CCDC60: variants seen among roughly 807,000 people sequenced by gnomAD.
CCDC60 encodes coiled-coil domain-containing protein 60.
In CCDC60, 54 loss-of-function variants were observed where a neutral mutation model predicts 63.5. The ratio of observed to expected loss-of-function variants is 0.85; its 90% confidence interval spans 0.68 to 1.07. The LOEUF (loss-of-function observed/expected upper bound fraction) is 1.07, where lower values mean the gene tolerates loss of function less well. Ranked by LOEUF, CCDC60 falls within the 50% of genes least tolerant of loss-of-function variation. The pLI is 0.00. For synonymous variants in CCDC60, 206 were observed against 238.8 expected (o/e 0.86, Z 1.27); for missense variants, 651 against 684.3 (o/e 0.95, Z 0.54).
chr12:119,459,092 TA>T (rs1412778861), intron 2 of CCDC60, among the ~76,000 whole-genome samples: 4 of 152,210 alleles, frequency 2.6e-5, no homozygotes, highest in South Asian at 2.1e-4. Context: ...AACTGATTGC[TA>T]GCATGTGGCA....
intron 7 of CCDC60, among the ~76,000 whole-genome samples, chr12:119,515,531 G>A (rs1952332025): frequency 6.6e-6 from 1 of 152,048 alleles, no homozygotes; most frequent in South Asian, 2.1e-4. Context: ...GTTTCTCCAT[G>A]TTGCCCAGGC....
At chr12:119,507,461 CACAT>C (rs1287055470) in intron 7 of CCDC60, among the ~76,000 whole-genome samples, 1 of 144,980 alleles carries the variant, frequency 6.9e-6, no homozygotes, top group African/African-American at 2.5e-5. Flanking sequence ...TACATATATA[CACAT>C]ACATATATAT....
At chr12:119,458,093 G>A (rs1950781657) in intron 2 of CCDC60, among the ~76,000 whole-genome samples, 1 of 152,230 alleles carries the variant, frequency 6.6e-6, no homozygotes, top group South Asian at 2.1e-4. Flanking sequence ...CAATATGTCT[G>A]GGTGGGCTGA....
chr12:119,432,058 G>A (rs1394956321), intron 2 of CCDC60, among the ~76,000 whole-genome samples: 1 of 152,218 alleles, frequency 6.6e-6, no homozygotes, highest in Non-Finnish European at 1.5e-5. Flanking sequence ...CAGCTTGGAG[G>A]TTAGAAGCAA....
Position 119,429,257 on chromosome 12 carries a change from G to C in CCDC60, c.170+495G>C, listed in dbSNP as rs11064796. Among the ~76,000 whole-genome samples the C allele has an allele frequency of 9.1e-3, 1,387 of 152,210 alleles. 41 individuals carry two copies. The East Asian group carries it at 0.093, about 10-fold the overall frequency. On this transcript the variant is annotated intron_variant, in intron 2 of 13. Coordinates refer to ENST00000327554, the MANE Select transcript of CCDC60 (RefSeq NM_178499.5). ...AAGCAGATAAAGTGTCCCTCATATG[G>C]CCTTGAATACAGGGCTGTTCCTATC...
At chr12:119,392,815 A>G (rs760748156) in intron 1 of CCDC60, among the ~76,000 whole-genome samples, 1 of 152,184 alleles carries the variant, frequency 6.6e-6, no homozygotes, top group Non-Finnish European at 1.5e-5. Flanking sequence ...AACCAGGTTG[A>G]ACATCCTGAC....
intron 1 of CCDC60, among the ~76,000 whole-genome samples, chr12:119,407,948 G>T (rs988650702): frequency 4.6e-5 from 7 of 152,034 alleles, no homozygotes; most frequent in African/African-American, 1.7e-4. Flanking sequence ...CCAGGCCGTG[G>T]ACAAAAAATT....
intron 1 of CCDC60, among the ~76,000 whole-genome samples, chr12:119,411,234 C>A (rs1260086914): frequency 6.6e-6 from 1 of 152,176 alleles, no homozygotes; most frequent in Non-Finnish European, 1.5e-5. Flanking sequence ...CATGTTTGTT[C>A]AGATTCTTTT....
chr12:119,351,244 T>A (rs1423509554), intron 1 of CCDC60, among the ~76,000 whole-genome samples: 5 of 152,232 alleles, frequency 3.3e-5, no homozygotes. Context: ...ATTCTCAAAG[T>A]GGGTAAGAAT....
At chr12:119,406,770 CCACCCACTTA>C (rs2136188991) in intron 1 of CCDC60, among the ~76,000 whole-genome samples, 1 of 152,178 alleles carries the variant, frequency 6.6e-6, no homozygotes, top group Non-Finnish European at 1.5e-5. Context: ...TGCTCCAGCC[CCACCCACTTA>C]CCTACATACC....
chr12:119,417,279 T>A (rs1565997341), intron 1 of CCDC60, among the ~76,000 whole-genome samples: 1 of 152,158 alleles, frequency 6.6e-6, no homozygotes, highest in Non-Finnish European at 1.5e-5. Flanking sequence ...CATTGTATGA[T>A]GTACAAGAAA....
intron 1 of CCDC60, among the ~76,000 whole-genome samples, chr12:119,338,368 T>A (rs953123594): frequency 6.6e-6 from 1 of 152,190 alleles, no homozygotes; most frequent in South Asian, 2.1e-4. Flanking sequence ...ATGCATCATG[T>A]GCCACGTATT....
chr12:119,400,088 C>T (rs1353121514), intron 1 of CCDC60, among the ~76,000 whole-genome samples: 4 of 137,768 alleles, frequency 2.9e-5, no homozygotes, highest in Admixed American at 7.9e-5. Context: ...CTCACTCTGT[C>T]GCCCAGGCTG....
intron 7 of CCDC60, among the ~76,000 whole-genome samples, chr12:119,510,395 G>A (rs930321040): frequency 1.3e-5 from 2 of 152,082 alleles, no homozygotes; most frequent in Admixed American, 6.6e-5. Flanking sequence ...TCAGTCTGGT[G>A]GACTCCTGCT....
At chr12:119,409,190 C>T (rs573090348) in intron 1 of CCDC60, among the ~76,000 whole-genome samples, 2 of 152,230 alleles carry the variant, frequency 1.3e-5, no homozygotes, top group East Asian at 1.9e-4. Context: ...TCCTGATCAT[C>T]GCCAACCTGG....
At chr12:119,426,999 T>TG (rs1291729244) in intron 1 of CCDC60, among the ~76,000 whole-genome samples, 1 of 152,200 alleles carries the variant, frequency 6.6e-6, no homozygotes, top group Non-Finnish European at 1.5e-5. Context: ...ACATCAATAT[T>TG]GGGATTTCTG....
chr12:119,440,178 T>C (rs1166301972), intron 2 of CCDC60, among the ~76,000 whole-genome samples: 2 of 152,110 alleles, frequency 1.3e-5, no homozygotes, highest in Non-Finnish European at 2.9e-5. Context: ...TGTATACCTA[T>C]GTAACAAACC....
Position 119,524,716 on chromosome 12 carries a change from C to CTTTTTTT in CCDC60, c.1229+902_1229+903insTTTTTTT, listed in dbSNP as rs1416953138. ...AGGAAACAGCAGTTTCTTTTCTTTT[C>CTTTTTTT]TTTTCTTTTTTTTTTTTTTTTTTTG... On this transcript the variant is annotated intron_variant, in intron 11 of 13. Transcript: ENST00000327554. Among the ~76,000 whole-genome samples, 108 of 90,512 alleles carry CTTTTTTT rather than the reference C, an allele frequency of 1.2e-3. 6 individuals carry two copies. Among genetic ancestry groups the CTTTTTTT allele is most frequent in the African/African-American group, 4.6e-3 (86 of 18,794 alleles). 59.4% of individuals were successfully genotyped at this position (90,512 alleles called of 152,430 possible). A position where few individuals can be genotyped will look rare whatever the true frequency, so the allele number is the denominator to read the frequency against.
In CCDC60 at chr12:119,427,775, T is replaced by C. The variant is rs115667226; in HGVS notation, c.91-908T>C. On this transcript the variant is annotated intron_variant, in intron 1 of 13. Transcript: ENST00000327554. Reference sequence around the variant, plus strand: ...AGGAAAATTTCAAGACAAGATAATCTAGGTAATATTCTGATTATTGTTTCT... The same window carrying C: ...AGGAAAATTTCAAGACAAGATAATCCAGGTAATATTCTGATTATTGTTTCT... Among the ~76,000 whole-genome samples the C allele has an allele frequency of 9.0e-3, 1,366 of 152,274 alleles. 22 individuals are homozygous for C. Among genetic ancestry groups the C allele is most frequent in the African/African-American group, 0.031 (1,279 of 41,534 alleles).
Sources: allele counts gnomAD v4.1 joint callset (sites outside exome capture counted in the v4.1 genomes callset), GRCh38; gene constraint gnomAD v4.1.1; transcripts MANE v1.5; gene names NCBI Gene and HGNC (gene_info 2026-07-23, HGNC 2026-07-21).